The following ERICH6B variants were observed in gnomAD, a reference collection of about 807,000 sequenced individuals.
ERICH6B encodes glutamate-rich protein 6B.
Under a neutral mutation model 80.0 loss-of-function variants are expected in ERICH6B, and 69 were observed. That is an observed-to-expected ratio of 0.86 (90% CI 0.71 to 1.05). The LOEUF (loss-of-function observed/expected upper bound fraction) is 1.05, where lower values mean the gene tolerates loss of function less well. Ranked by LOEUF, ERICH6B falls within the 50% of genes least tolerant of loss-of-function variation. ERICH6B has a pLI of 0.00. For synonymous variants in ERICH6B, 283 were observed against 291.9 expected, an observed-to-expected ratio of 0.97 and a Z score of 0.31; for missense variants, 754 against 796.1, an observed-to-expected ratio of 0.95 and a Z score of 0.64.
chr13:45,584,284 C>T (rs1338124601), intron 5 of ERICH6B, among the ~76,000 whole-genome samples: 1 of 152,182 alleles, frequency 6.6e-6, no homozygotes, highest in African/African-American at 2.4e-5. Context: ...AGCGTCTTCT[C>T]ATATGGATCA....
At chr13:45,584,143 C>T (rs1179442839) in intron 5 of ERICH6B, among the ~76,000 whole-genome samples, 1 of 152,226 alleles carries the variant, frequency 6.6e-6, no homozygotes, top group African/African-American at 2.4e-5. Flanking sequence ...GTGCCAGGCA[C>T]TAAGTATGGA....
At chr13:45,615,113 G>A (rs1949920401) in intron 1 of ERICH6B, among the ~76,000 whole-genome samples, 1 of 152,244 alleles carries the variant, frequency 6.6e-6, no homozygotes, top group Admixed American at 6.5e-5. Flanking sequence ...CAGAACACTT[G>A]TAAAAACACT....
Position 45,581,592 on chromosome 13 carries a change from G to T in ERICH6B, c.857-927C>A, listed in dbSNP as rs1326482487. ...GAGTTTTGCCGTGTTGGCCAGTCTG[G>T]TCTCGAACTCCTGACCTCAGGTGAT... On this transcript the variant is annotated intron_variant, in intron 5 of 14. Coordinates refer to ENST00000298738, the MANE Select transcript of ERICH6B (RefSeq NM_182542.3). Among the ~76,000 whole-genome samples the T allele has an allele frequency of 1.3e-5, 2 of 152,158 alleles. 1 individual carries two copies. Among genetic ancestry groups the T allele is most frequent in the Non-Finnish European group, 2.9e-5 (2 of 68,034 alleles).
chr13:45,550,457 G>C, intron 11 of ERICH6B, 141 bp from the exon 12 acceptor site: 1 of 642,260 alleles, frequency 1.6e-6, no homozygotes, highest in Non-Finnish European at 2.7e-6. Context: ...GAGCTGCGGG[G>C]CTTCAGTTTA....
chr13:45,544,449 T>G (rs1873910571), intron 14 of ERICH6B, among the ~76,000 whole-genome samples: 1 of 152,210 alleles, frequency 6.6e-6, no homozygotes, highest in South Asian at 2.1e-4. Flanking sequence ...CTCAAGTTCC[T>G]AGGCTCAAGG....
At chr13:45,581,681 C>G (rs1007231285) in intron 5 of ERICH6B, among the ~76,000 whole-genome samples, 7 of 152,162 alleles carry the variant, frequency 4.6e-5, no homozygotes, top group African/African-American at 1.7e-4. Flanking sequence ...CTGGCCCATT[C>G]CATTCTTAAT....
intron 7 of ERICH6B, among the ~76,000 whole-genome samples, chr13:45,577,240 G>T (rs564728828): frequency 1.3e-5 from 2 of 150,824 alleles, no homozygotes; most frequent in Non-Finnish European, 2.9e-5. Context: ...TTCCCCAGGT[G>T]GAGCATGTCT....
intron 2 of ERICH6B, among the ~76,000 whole-genome samples, chr13:45,600,678 C>T (rs992012008): frequency 2.6e-5 from 4 of 152,150 alleles, no homozygotes; most frequent in Admixed American, 6.5e-5. Context: ...GCGGAAGACA[C>T]GATTTCATTC....
chr13:45,568,513 C>T (rs1593784792), intron 8 of ERICH6B, 62 bp from the exon 9 acceptor site: 1 of 1,405,936 alleles, frequency 7.1e-7, no homozygotes, highest in Non-Finnish European at 9.4e-7. Context: ...GTTAGTTAAT[C>T]ACTTTTCTGA....
At chr13:45,572,000 G>A (rs998030198) in intron 8 of ERICH6B, among the ~76,000 whole-genome samples, 1 of 152,206 alleles carries the variant, frequency 6.6e-6, no homozygotes, top group Non-Finnish European at 1.5e-5. Flanking sequence ...CCACTCAAAG[G>A]TGGCACTTTG....
Position 45,541,610 on chromosome 13 carries a change from G to A in ERICH6B, c.1943C>T (p.Ala648Val). The A allele has an allele frequency of 3.2e-6, 5 of 1,551,690 alleles. No individual in the cohort carries two copies. The highest frequency in any genetic ancestry group is 4.4e-6 in the Non-Finnish European group (5 of 1,147,016). ...TILEAEPGPTAQKIRVLLGKM... is the reference protein window; with the variant it reads ...TILEAEPGPTVQKIRVLLGKM... ...CCCCAGAAGGACCCGGATCTTCTGG[G>A]CTGTTGGGCCGGGTTCTGCCTCCAG... Residue 648 changes from alanine (A) to valine (V), a missense_variant, in exon 15 of 15, where the codon GCC (alanine) becomes GTC (valine). Ala to Val is a moderately conservative substitution (Grantham distance 64). Coordinates refer to ENST00000298738, the MANE Select transcript of ERICH6B (RefSeq NM_182542.3).
chr13:45,564,277 T>G (rs1332480675), intron 9 of ERICH6B, among the ~76,000 whole-genome samples: 2 of 152,232 alleles, frequency 1.3e-5, no homozygotes, highest in Non-Finnish European at 2.9e-5. Flanking sequence ...CTCTTCAACA[T>G]GATCAAGCCC....
intron 3 of ERICH6B, among the ~76,000 whole-genome samples, chr13:45,591,581 GCA>G (rs1876158928): frequency 6.6e-6 from 1 of 152,134 alleles, no homozygotes; most frequent in Admixed American, 6.5e-5. Flanking sequence ...GGGCGACAGA[GCA>G]AGACTCCATC....
At chr13:45,570,474 A>G (rs1389398730) in intron 8 of ERICH6B, among the ~76,000 whole-genome samples, 3 of 152,342 alleles carry the variant, frequency 2.0e-5, no homozygotes. Flanking sequence ...AATTAAAAAT[A>G]GCAATGAGTC....
chr13:45,561,444 G>A lies in ERICH6B; in HGVS notation c.1332C>T (p.Ile444=). Residue 444 remains isoleucine (I), a synonymous_variant, in exon 11 of 15, where the codon ATC becomes ATT. Coordinates refer to ENST00000298738, the MANE Select transcript of ERICH6B (RefSeq NM_182542.3). Reference sequence around the variant, plus strand: ...GATGAACAACACGTTGAGGCTTTTGGATTTCTTCTGTCTCAGGCTTCTCAG... The same window carrying A: ...GATGAACAACACGTTGAGGCTTTTGAATTTCTTCTGTCTCAGGCTTCTCAG... The part of the protein sequence containing the change: ...PTPEKPETEE[I]QKPQRVVHHR... 3.2e-6 allele frequency: 5 copies of A among 1,552,190 alleles called. No homozygotes were observed. The highest frequency in any genetic ancestry group is 4.4e-6 in the Non-Finnish European group (5 of 1,147,104).
chr13:45,613,369 G>A (rs1413222068), intron 1 of ERICH6B, among the ~76,000 whole-genome samples: 2 of 152,120 alleles, frequency 1.3e-5, no homozygotes, highest in African/African-American at 2.4e-5. Context: ...CTTTTGTCAG[G>A]GGTTCAGAAA....
chr13:45,611,110 T>G (rs761339070), intron 1 of ERICH6B, among the ~76,000 whole-genome samples: 45 of 152,206 alleles, frequency 3.0e-4, no homozygotes, highest in Non-Finnish European at 5.4e-4. Context: ...CCCTAACTTT[T>G]CTTTCCTTTT....
Position 45,596,484 on chromosome 13 carries a change from T to C in ERICH6B, c.522A>G (p.Ser174=). 18 of 1,551,570 alleles carry C rather than the reference T, an allele frequency of 1.2e-5. No homozygotes were observed. The highest frequency in any genetic ancestry group is 1.5e-5 in the Non-Finnish European group (17 of 1,146,620). The change falls in exon 3 of 15, where the codon TCA becomes TCG. Residue 174 remains serine (S), a synonymous_variant. Transcript: ENST00000298738. ...LEEEEYLGKK[S]YLEEEKALEK... The stretch of plus-strand genomic sequence containing the variant: ...CCAGAGCCTTTTCCTCTTCTAGATA[T>C]GATTTCTTCCCCAGATACTCCTCCT...
intron 8 of ERICH6B, among the ~76,000 whole-genome samples, chr13:45,572,827 G>C (rs1875231236): frequency 6.6e-6 from 1 of 152,178 alleles, no homozygotes; most frequent in Non-Finnish European, 1.5e-5. Flanking sequence ...CAGTCACAGA[G>C]AGACACAAAT....
Sources: allele counts gnomAD v4.1 joint callset (sites outside exome capture counted in the v4.1 genomes callset), GRCh38; gene constraint gnomAD v4.1.1; transcripts MANE v1.5; gene names NCBI Gene and HGNC (gene_info 2026-07-23, HGNC 2026-07-21).